Variants in TNNI3K observed in about 807,000 individuals in gnomAD.
TNNI3K encodes the protein serine/threonine-protein kinase TNNI3K.
A neutral mutation model predicts 114.5 loss-of-function variants in TNNI3K; 140 were observed. That is an observed-to-expected ratio of 1.22 (90% CI 1.07 to 1.41). The LOEUF (loss-of-function observed/expected upper bound fraction) is 1.41. Among genes scored for constraint, TNNI3K ranks in the 40% most tolerant of loss-of-function variants. The pLI is 0.00. For synonymous variants in TNNI3K, 347 were observed against 347.5 expected (o/e 1.00, Z 0.02); for missense variants, 1,125 against 1,007.6 (o/e 1.12, Z -1.58).
Position 74,394,828 on chromosome 1 carries a change from A to T in TNNI3K, c.1772+24436A>T, listed in dbSNP as rs368830255. 1.2e-4 allele frequency among the ~76,000 whole-genome samples: 18 copies of T among 152,230 alleles called. No homozygotes were observed. In the East Asian group the frequency reaches 3.3e-3, roughly 28 times the overall value. On this transcript the variant is annotated intron_variant, in intron 17 of 24. Transcript: ENST00000326637. ...GGGAGGCTGAGGCGGGTGGATCATG[A>T]GGTCAGGAGATCCAGACCATCCTGG...
At chr1:74,521,939 G>A (rs560689082) in intron 23 of TNNI3K, among the ~76,000 whole-genome samples, 25 of 152,264 alleles carry the variant, frequency 1.6e-4, no homozygotes, top group African/African-American at 5.8e-4. Flanking sequence ...TTCTGGGGCT[G>A]CATCCAACTG....
At chr1:74,533,691 A>C (rs7552518) in intron 23 of TNNI3K, among the ~76,000 whole-genome samples, 49,058 of 151,342 alleles carry the variant, frequency 0.32, 9,385 homozygotes, top group East Asian at 0.64. Flanking sequence ...GACTGGATTA[A>C]GAAAATGTGG....
At chr1:74,531,462 G>T (rs1380653833) in intron 23 of TNNI3K, among the ~76,000 whole-genome samples, 2 of 152,160 alleles carry the variant, frequency 1.3e-5, no homozygotes, top group Non-Finnish European at 2.9e-5. Flanking sequence ...CCAGAGGAAA[G>T]GTGGGCTAAG....
intron 4 of TNNI3K, among the ~76,000 whole-genome samples, chr1:74,255,226 C>A (rs1009383080): frequency 4.0e-5 from 6 of 151,008 alleles, no homozygotes; most frequent in African/African-American, 1.5e-4. Context: ...TAGTGGCGGG[C>A]GCCTGTAGTC....
At position 74,336,812 on chromosome 1, in the gene TNNI3K, T is replaced by C. The variant is rs1425740534; in HGVS notation, c.682+663T>C. Reference sequence around the variant, plus strand: ...TGTGAATAATGCCGCAATAAACATATGTGTGCATGTGTCTTTATAGCAGCA... The same window carrying C: ...TGTGAATAATGCCGCAATAAACATACGTGTGCATGTGTCTTTATAGCAGCA... On this transcript the variant is annotated intron_variant, in intron 7 of 24. Transcript: ENST00000326637. 8.6e-5 allele frequency among the ~76,000 whole-genome samples: 13 copies of C among 151,898 alleles called. 1 individual carries two copies. The highest frequency in any genetic ancestry group is 8.4e-4 in the South Asian group (4 of 4,784).
In TNNI3K at chr1:74,342,921, G is replaced by T. The variant is rs146121965; in HGVS notation, c.762G>T (p.Leu254=). ...GACACCATGATATAGTTAAGTATCT[G>T]CTGCAAAGTGATTTGGAAGTTCAAC... ...RFGHHDIVKY[L]LQSDLEVQPH... Residue 254 remains leucine, a synonymous_variant, in exon 8 of 25, where the codon CTG becomes CTT. Coordinates refer to ENST00000326637, the MANE Select transcript of TNNI3K (RefSeq NM_015978.3). The T allele has an allele frequency of 2.4e-4, 392 of 1,613,876 alleles. 2 individuals carry two copies. In the African/African-American group the frequency reaches 4.7e-3, roughly 19 times the overall value.
At chr1:74,528,198 G>A (rs1646532109) in intron 23 of TNNI3K, among the ~76,000 whole-genome samples, 1 of 152,180 alleles carries the variant, frequency 6.6e-6, no homozygotes, top group African/African-American at 2.4e-5. Context: ...ATGGGCACAG[G>A]AAAGTGCCTG....
chr1:74,445,758 C>G (rs1475735109), intron 20 of TNNI3K, among the ~76,000 whole-genome samples: 3 of 151,650 alleles, frequency 2.0e-5, no homozygotes, highest in Admixed American at 6.6e-5. Flanking sequence ...CTACAGGCGC[C>G]CGCCACTACG....
At chr1:74,526,637 T>C (rs149695129) in intron 23 of TNNI3K, among the ~76,000 whole-genome samples, 13 of 152,322 alleles carry the variant, frequency 8.5e-5, no homozygotes, top group African/African-American at 2.6e-4. Flanking sequence ...TAAATATAAA[T>C]TGGATATTTT....
intron 21 of TNNI3K, 132 bp downstream of exon 21, chr1:74,463,682 C>T: frequency 1.1e-6 from 1 of 944,570 alleles, no homozygotes; most frequent in East Asian, 2.6e-5. Context: ...GCCTTCTGCT[C>T]TTTAGTCTCT....
intron 5 of TNNI3K, among the ~76,000 whole-genome samples, chr1:74,278,492 C>G (rs1032612890): frequency 1.3e-5 from 2 of 152,144 alleles, no homozygotes; most frequent in African/African-American, 4.8e-5. Context: ...TCTGAACCCC[C>G]TCAAAGACTT....
chr1:74,380,642 G>A (rs1268110040), intron 17 of TNNI3K, among the ~76,000 whole-genome samples: 3 of 152,104 alleles, frequency 2.0e-5, no homozygotes, highest in African/African-American at 7.2e-5. Context: ...TGGGGATATG[G>A]CCTGAATAAA....
intron 23 of TNNI3K, among the ~76,000 whole-genome samples, chr1:74,533,141 G>C (rs1014701822): frequency 6.6e-6 from 1 of 152,004 alleles, no homozygotes; most frequent in Non-Finnish European, 1.5e-5. Flanking sequence ...CTACAAAATG[G>C]GAGAAAATTT....
At chr1:74,475,781 C>T (rs1212245630) in intron 21 of TNNI3K, 2 of 623,800 alleles carry the variant, frequency 3.2e-6, no homozygotes, top group Non-Finnish European at 5.9e-6. Context: ...TTAAATACAA[C>T]TAAACCTAGG....
At position 74,521,485 on chromosome 1, in the gene TNNI3K, AC is replaced by A. The variant is rs1646431685; in HGVS notation, c.2352-18748del. Among the ~76,000 whole-genome samples the A allele has an allele frequency of 4.9e-5, 6 of 121,258 alleles. No homozygotes were observed. In the South Asian group the frequency reaches 7.5e-4, roughly 15 times the overall value. The allele number at this position is 121,258 out of a possible 152,430, so 79.5% of individuals were successfully genotyped here. A position where few individuals can be genotyped will look rare whatever the true frequency, so the allele number is the denominator to read the frequency against. On this transcript the variant is annotated intron_variant, in intron 23 of 24. Coordinates refer to ENST00000326637, the MANE Select transcript of TNNI3K (RefSeq NM_015978.3). The stretch of plus-strand genomic sequence containing the variant: ...TACCTTATCTCTCTCACACACACAC[AC>A]ATGTAAACGCATTATGTATGTGTGT...
intron 21 of TNNI3K, among the ~76,000 whole-genome samples, chr1:74,477,553 A>G: frequency 6.6e-6 from 1 of 152,194 alleles, no homozygotes; most frequent in East Asian, 1.9e-4. Context: ...TGAAGGAACA[A>G]AAGGGCTAAG....
chr1:74,237,626 A>G (rs527874340), intron 2 of TNNI3K, among the ~76,000 whole-genome samples: 9 of 152,130 alleles, frequency 5.9e-5, no homozygotes, highest in Admixed American at 1.3e-4. Context: ...TCTTTCTGAT[A>G]CCACATCGAC....
chr1:74,398,929 C>T (rs186656310), intron 17 of TNNI3K, among the ~76,000 whole-genome samples: 47 of 151,998 alleles, frequency 3.1e-4, no homozygotes, highest in African/African-American at 9.6e-4. Flanking sequence ...GAGGCCAAGG[C>T]GGGTGGATCA....
At chr1:74,459,796 A>C (rs1319870318) in intron 20 of TNNI3K, among the ~76,000 whole-genome samples, 3 of 152,188 alleles carry the variant, frequency 2.0e-5, no homozygotes, top group Non-Finnish European at 4.4e-5. Flanking sequence ...TTTTCTTGAT[A>C]AAGTATCGAC....
Sources: gnomAD v4.1 joint callset for allele counts (sites outside exome capture counted in the v4.1 genomes callset) on GRCh38, gnomAD v4.1.1 for gene constraint, MANE v1.5 for transcripts, NCBI Gene and HGNC (gene_info 2026-07-23, HGNC 2026-07-21) for gene names.